Variants in SLC24A2 observed in about 807,000 individuals in gnomAD.
The protein encoded by SLC24A2 is solute carrier family 24 member 2.
Under a neutral mutation model 62.0 loss-of-function variants are expected in SLC24A2, and 36 were observed. The observed-to-expected ratio is 0.58, with a 90% CI of 0.44 to 0.77. The LOEUF (loss-of-function observed/expected upper bound fraction) is 0.77, where lower values mean the gene tolerates loss of function less well. Among genes scored for constraint, SLC24A2 ranks in the 30% least tolerant of loss-of-function variants. SLC24A2 has a pLI of 0.00. For synonymous variants in SLC24A2, 358 were observed against 294.0 expected (o/e 1.22, Z -2.23); for missense variants, 846 against 817.9 (o/e 1.03, Z -0.42).
At chr9:20,249,853 C>A in the SLC24A2 span, among the ~76,000 whole-genome samples, 27 of 152,250 alleles carry the variant, frequency 1.8e-4, no homozygotes, top group Middle Eastern at 6.8e-3. Context: ...ACTCCCAACA[C>A]TGACCTCTTA....
chr9:19,906,130 T>A, the SLC24A2 span, among the ~76,000 whole-genome samples: 1 of 152,298 alleles, frequency 6.6e-6, no homozygotes, highest in East Asian at 1.9e-4. Flanking sequence ...AAACTGCCTC[T>A]CAGACCACAG....
At chr9:20,029,927 C>T in the SLC24A2 span, among the ~76,000 whole-genome samples, 1 of 152,074 alleles carries the variant, frequency 6.6e-6, no homozygotes, top group African/African-American at 2.4e-5. Flanking sequence ...GTTAGTGTTG[C>T]ACAAAGGGTG....
chr9:19,541,800 C>G (rs1445765006), intron 8 of SLC24A2, among the ~76,000 whole-genome samples: 27 of 149,056 alleles, frequency 1.8e-4, no homozygotes, highest in South Asian at 4.3e-4. Context: ...CGCCCCTCCC[C>G]CAGCCTCGTT....
At chr9:20,080,153 A>G in the SLC24A2 span, among the ~76,000 whole-genome samples, 4 of 152,190 alleles carry the variant, frequency 2.6e-5, no homozygotes, top group African/African-American at 9.6e-5. Context: ...AACCAAAAAT[A>G]AGCCTGCATT....
At chr9:19,648,430 G>A (rs2118137709) in intron 2 of SLC24A2, among the ~76,000 whole-genome samples, 1 of 152,252 alleles carries the variant, frequency 6.6e-6, no homozygotes, top group African/African-American at 2.4e-5. Flanking sequence ...TGGCACTTAT[G>A]GAGATACTTT....
chr9:19,571,755 G>A (rs1232758078), intron 7 of SLC24A2, among the ~76,000 whole-genome samples: 1 of 152,220 alleles, frequency 6.6e-6, no homozygotes, highest in East Asian at 1.9e-4. Flanking sequence ...TGGGGCTCCA[G>A]GTCTTAGAAA....
At chr9:19,780,558 G>A (rs1381560891) in intron 2 of SLC24A2, among the ~76,000 whole-genome samples, 7 of 151,114 alleles carry the variant, frequency 4.6e-5, no homozygotes, top group South Asian at 2.1e-4. Context: ...GAGCCACCGC[G>A]CCCGGCCACA....
chr9:19,574,793 G>A (rs368475932), intron 6 of SLC24A2, among the ~76,000 whole-genome samples: 23 of 152,074 alleles, frequency 1.5e-4, no homozygotes, highest in African/African-American at 5.6e-4. Flanking sequence ...CATCGCGAGG[G>A]AAATTAAAAG....
chr9:19,969,183 C>CCACACACACACACACACA, the SLC24A2 span, among the ~76,000 whole-genome samples: 458 of 122,242 alleles, frequency 3.7e-3, 12 homozygotes, highest in Middle Eastern at 8.1e-3. Flanking sequence ...ACCTCCTTTG[C>CCACACACACACACACACA]CACACACACA....
At position 19,513,643 on chromosome 9, in the gene SLC24A2, A is replaced by G. The variant is rs1347111002; in HGVS notation, c.*2510T>C. ...AATAAATGGGAGGGAGTGAGGAGGC[A>G]GAGGGAGGATCAGGAATAAGAAGAG... On this transcript the variant is annotated 3_prime_UTR_variant, in exon 11 of 11. Coordinates refer to ENST00000341998, the MANE Select transcript of SLC24A2 (RefSeq NM_020344.4). 1 of 152,194 alleles carries G rather than the reference A, an allele frequency of 6.6e-6. No homozygotes were observed. The highest frequency in any genetic ancestry group is 6.5e-5 in the Admixed American group (1 of 15,280). The allele number at this position is 152,194 out of a possible 1,614,324, so 9.4% of individuals were successfully genotyped here.
intron 8 of SLC24A2, among the ~76,000 whole-genome samples, chr9:19,549,159 G>C (rs943625834): frequency 5.9e-5 from 9 of 152,182 alleles, no homozygotes; most frequent in Admixed American, 5.2e-4. Flanking sequence ...TTAAAGTAAT[G>C]ATAGTAAACA....
the SLC24A2 span, among the ~76,000 whole-genome samples, chr9:20,172,767 A>T: frequency 6.6e-6 from 1 of 152,094 alleles, no homozygotes; most frequent in African/African-American, 2.4e-5. Context: ...TCTACCAGAC[A>T]TTCGAAGAAG....
chr9:20,205,104 GAA>G, the SLC24A2 span, among the ~76,000 whole-genome samples: 4 of 152,118 alleles, frequency 2.6e-5, no homozygotes, highest in African/African-American at 9.7e-5. Context: ...CCTGCAGGAT[GAA>G]AAGTCAGTAA....
At chr9:19,873,795 T>C in the SLC24A2 span, among the ~76,000 whole-genome samples, 1 of 152,120 alleles carries the variant, frequency 6.6e-6, no homozygotes, top group African/African-American at 2.4e-5. Flanking sequence ...TACACAGCTC[T>C]GAAGCTACAA....
intron 4 of SLC24A2, among the ~76,000 whole-genome samples, chr9:19,604,935 T>C (rs1836942117): frequency 6.6e-6 from 1 of 152,238 alleles, no homozygotes; most frequent in Non-Finnish European, 1.5e-5. Flanking sequence ...TAAAGTAGAA[T>C]GTTCATACAA....
intron 2 of SLC24A2, among the ~76,000 whole-genome samples, chr9:19,668,319 A>G (rs1190012168): frequency 6.6e-6 from 1 of 152,184 alleles, no homozygotes; most frequent in Non-Finnish European, 1.5e-5. Context: ...CACTGCTAGT[A>G]AGCAACAGAG....
chr9:20,099,301 G>A, the SLC24A2 span, among the ~76,000 whole-genome samples: 13 of 152,264 alleles, frequency 8.5e-5, no homozygotes, highest in Admixed American at 6.5e-4. Flanking sequence ...GCCATTTGAC[G>A]ATTACAAATC....
At chr9:20,248,475 G>GT in the SLC24A2 span, among the ~76,000 whole-genome samples, 3 of 152,126 alleles carry the variant, frequency 2.0e-5, no homozygotes, top group Non-Finnish European at 4.4e-5. Context: ...CCTTTTCCTG[G>GT]TTTTTAGATG....
In SLC24A2 at chr9:19,515,906, T is replaced by A. The variant is rs971421847; in HGVS notation, c.*247A>T. The A allele has an allele frequency of 5.0e-5, 25 of 504,276 alleles. No individual in the cohort carries two copies. Among genetic ancestry groups the A allele is most frequent in the East Asian group, 2.7e-4 (7 of 26,238 alleles). The allele number at this position is 504,276 out of a possible 1,614,324, so 31.2% of individuals were successfully genotyped here. ...GCGAGGTGTACTTGTCAGTGGTGAA[T>A]AGGGAGAAGCCCTGTATTGACGGTT... On this transcript the variant is annotated 3_prime_UTR_variant, in exon 11 of 11. Transcript: ENST00000341998.
Sources: gnomAD v4.1 joint callset for allele counts (sites outside exome capture counted in the v4.1 genomes callset) on GRCh38, gnomAD v4.1.1 for gene constraint, MANE v1.5 for transcripts, NCBI Gene and HGNC (gene_info 2026-07-23, HGNC 2026-07-21) for gene names.